TRUB1: variants seen among roughly 807,000 people sequenced by gnomAD.
TRUB1 encodes TruB pseudouridine synthase family member 1.
In TRUB1, 23 loss-of-function variants were observed where a neutral mutation model predicts 33.9. The ratio of observed to expected loss-of-function variants is 0.68; its 90% CI spans 0.49 to 0.96. The LOEUF (loss-of-function observed/expected upper bound fraction) is 0.96, where lower values mean the gene tolerates loss of function less well. Ranked by LOEUF, TRUB1 falls within the 40% of genes least tolerant of loss-of-function variation. The probability of loss-of-function intolerance (pLI) is 0.00; values close to 1 mark genes in which losing one functional copy is unlikely to be tolerated. For synonymous variants in TRUB1, 163 were observed against 165.4 expected, an observed-to-expected ratio of 0.99 and a Z score of 0.11; for missense variants, 378 against 422.2, an observed-to-expected ratio of 0.90 and a Z score of 0.92.
intron 2 of TRUB1, among the ~76,000 whole-genome samples, chr10:114,946,708 ATACTTT>A (rs1471917793): frequency 7.2e-6 from 1 of 138,186 alleles, no homozygotes; most frequent in Non-Finnish European, 1.5e-5. Flanking sequence ...CAAAAAAAAT[ATACTTT>A]TACTTTCAAC....
Position 114,938,239 on chromosome 10 carries a change from CT to C in TRUB1, c.-14del. On this transcript the variant is annotated 5_prime_UTR_variant, in exon 1 of 8. Coordinates refer to ENST00000298746, the MANE Select transcript of TRUB1 (RefSeq NM_139169.5). ...CGTGCACCTCCACGATGAAACAGGT[CT>C]GGGCTACAAAAGTATGGCCGCTTCT... is the stretch of plus-strand genomic sequence containing the variant. 1 of 1,613,158 alleles carries C rather than the reference CT, an allele frequency of 6.2e-7. No individual in the cohort carries two copies. Among genetic ancestry groups the C allele is most frequent in the South Asian group, 1.1e-5 (1 of 90,936 alleles).
At chr10:114,949,145 T>C (rs1213311397) in intron 2 of TRUB1, among the ~76,000 whole-genome samples, 2 of 152,266 alleles carry the variant, frequency 1.3e-5, no homozygotes, top group Admixed American at 1.3e-4. Flanking sequence ...GTGATTTTTC[T>C]GTATTTTATT....
chr10:114,972,902 T>G (rs2084343592), intron 6 of TRUB1, among the ~76,000 whole-genome samples: 1 of 152,170 alleles, frequency 6.6e-6, no homozygotes, highest in African/African-American at 2.4e-5. Context: ...TTCTGTTGTT[T>G]GGAAATTTTA....
At chr10:114,958,559 C>CT (rs1457865914) in intron 3 of TRUB1, among the ~76,000 whole-genome samples, 1 of 152,172 alleles carries the variant, frequency 6.6e-6, no homozygotes, top group Non-Finnish European at 1.5e-5. Flanking sequence ...CTGCAAAGTA[C>CT]TTTGAGTTTT....
chr10:114,945,015 T>C (rs2084205636), intron 2 of TRUB1, among the ~76,000 whole-genome samples: 2 of 152,204 alleles, frequency 1.3e-5, no homozygotes, highest in African/African-American at 4.8e-5. Context: ...TTATTGAGCA[T>C]TTACTGTATA....
Position 114,967,959 on chromosome 10 carries a change from A to G in TRUB1, c.524-2409A>G, listed in dbSNP as rs116620591. ...AAATGCCCTTCAGCCTTGAGATTCT[A>G]TTATTCTTCAGCAAATTAAATTCAG... On this transcript the variant is annotated intron_variant, in intron 4 of 7. Transcript: ENST00000298746. Among the ~76,000 whole-genome samples the G allele has an allele frequency of 8.8e-3, 1,347 of 152,220 alleles. 15 individuals carry two copies. The highest frequency in any genetic ancestry group is 0.029 in the African/African-American group (1,217 of 41,534).
intron 3 of TRUB1, among the ~76,000 whole-genome samples, chr10:114,953,513 A>G (rs1357251433): frequency 6.6e-6 from 1 of 152,194 alleles, no homozygotes; most frequent in African/African-American, 2.4e-5. Context: ...AATCTTAGAG[A>G]TCATCTTATC....
chr10:114,939,312 A>G (rs2084174320), intron 1 of TRUB1, among the ~76,000 whole-genome samples: 1 of 152,234 alleles, frequency 6.6e-6, no homozygotes, highest in South Asian at 2.1e-4. Flanking sequence ...TTGGACATAT[A>G]CAATAAGCCA....
At chr10:114,964,901 C>T (rs1188213902) in intron 4 of TRUB1, among the ~76,000 whole-genome samples, 1 of 149,242 alleles carries the variant, frequency 6.7e-6, no homozygotes, top group Non-Finnish European at 1.5e-5. Flanking sequence ...GTCCTTCCTG[C>T]TTTATTTCTT....
chr10:114,970,302 G>T, intron 4 of TRUB1, 66 bp from the exon 5 acceptor site: 1 of 1,112,340 alleles, frequency 9.0e-7, no homozygotes, highest in Middle Eastern at 2.3e-4. Flanking sequence ...AGGGCTGTTG[G>T]TGCTGTGAAA....
chr10:114,938,221 C>G lies in TRUB1; in HGVS notation c.-33C>G, dbSNP rs770463703. ...CTCTTGTTGCATCATCAGCGTGCAC[C>G]TCCACGATGAAACAGGTCTGGGCTA... On this transcript the variant is annotated 5_prime_UTR_variant, in exon 1 of 8. Transcript: ENST00000298746. 6.2e-7 allele frequency: 1 copy of G among 1,605,848 alleles called. No homozygotes were observed.
intron 3 of TRUB1, among the ~76,000 whole-genome samples, chr10:114,958,473 G>A (rs578089683): frequency 1.3e-5 from 2 of 152,262 alleles, no homozygotes; most frequent in East Asian, 1.9e-4. Flanking sequence ...AGGTTTTGAA[G>A]TTTTAATATT....
At position 114,975,117 on chromosome 10, in the gene TRUB1, C is replaced by T. The variant is rs1425311139; in HGVS notation, c.794-6C>T. The T allele has an allele frequency of 2.5e-6, 4 of 1,601,096 alleles. No individual in the cohort carries two copies. The highest frequency in any genetic ancestry group is 1.7e-4 in the Middle Eastern group (1 of 5,960). On this transcript the variant is annotated splice_polypyrimidine_tract_variant and splice_region_variant and intron_variant, in intron 7 of 7. Coordinates refer to ENST00000298746, the MANE Select transcript of TRUB1 (RefSeq NM_139169.5). ...TGGATTTTTTTTCTACCTTTTGTTG[C>T]CATAGAACTATCTTCCTGTGCCAAT...
rs202132205 is a variant in TRUB1, at chr10:114,942,713, A to G, written c.355A>G (p.Thr119Ala). ...GACTTTGAAAATTGGGCATGGAGGG[A>G]CTCTAGACAGCGCAGCCCGAGGAGT... ...KQTLKIGHGG[T>A]LDSAARGVLV... The change falls in exon 2 of 8, where the codon ACT (threonine) becomes GCT (alanine). Residue 119 changes from threonine (T) to alanine (A), a missense_variant. Transcript: ENST00000298746. 6 of 1,613,916 alleles carry G rather than the reference A, an allele frequency of 3.7e-6. No homozygotes were observed. Among genetic ancestry groups the G allele is most frequent in the Non-Finnish European group, 1.7e-6 (2 of 1,179,890 alleles).
At position 114,952,037 on chromosome 10, in the gene TRUB1, G is replaced by A. The variant is rs531187269; in HGVS notation, c.441+888G>A. Among the ~76,000 whole-genome samples the A allele has an allele frequency of 7.8e-4, 118 of 152,158 alleles. 4 individuals are homozygous for A. In the South Asian group the frequency reaches 0.023, roughly 29 times the overall value. ...CTTTTGTAAAATATAATTAAAATACGGCAATGTAAAATTGCTAAATAAGTT... is the reference window on the plus strand; with the variant it reads ...CTTTTGTAAAATATAATTAAAATACAGCAATGTAAAATTGCTAAATAAGTT... On this transcript the variant is annotated intron_variant, in intron 3 of 7. Transcript: ENST00000298746.
At chr10:114,940,447 A>G (rs2143019923) in intron 1 of TRUB1, among the ~76,000 whole-genome samples, 1 of 152,284 alleles carries the variant, frequency 6.6e-6, no homozygotes, top group East Asian at 1.9e-4. Flanking sequence ...AGATACCTAC[A>G]TTCTAATGCC....
intron 4 of TRUB1, among the ~76,000 whole-genome samples, chr10:114,962,716 G>T (rs1331450273): frequency 3.3e-5 from 5 of 152,188 alleles, no homozygotes; most frequent in Non-Finnish European, 7.3e-5. Context: ...TGTACTGTCA[G>T]ACTTCAGGAT....
chr10:114,967,118 TTTGTCTGTGTATTTTCC>T (rs1022522055), intron 4 of TRUB1, among the ~76,000 whole-genome samples: 20 of 152,214 alleles, frequency 1.3e-4, no homozygotes, highest in African/African-American at 4.6e-4. Context: ...TAGACATTTC[TTTGTCTGTGTATTTTCC>T]TCAAATTCCA....
At chr10:114,964,338 GT>G (rs1490822826) in intron 4 of TRUB1, among the ~76,000 whole-genome samples, 114 of 151,824 alleles carry the variant, frequency 7.5e-4, no homozygotes, top group Non-Finnish European at 4.4e-5. Context: ...TCCCTTTTGA[GT>G]TGCCTTTTTC....
Sources: allele counts gnomAD v4.1 joint callset (sites outside exome capture counted in the v4.1 genomes callset), GRCh38; gene constraint gnomAD v4.1.1; transcripts MANE v1.5; gene names NCBI Gene and HGNC (gene_info 2026-07-23, HGNC 2026-07-21).